The following ZC3H12B variants were observed in gnomAD, a reference collection of about 807,000 sequenced individuals.
ZC3H12B encodes the protein zinc finger CCCH-type containing 12B, also known as probable ribonuclease ZC3H12B.
In ZC3H12B, 7 loss-of-function variants were observed where a neutral mutation model predicts 43.9. The observed-to-expected ratio is 0.16, with a 90% CI of 0.09 to 0.30. The LOEUF is 0.30. Among genes scored for constraint, ZC3H12B ranks in the 10% least tolerant of loss-of-function variants. The pLI is 1.00. For synonymous variants in ZC3H12B, 222 were observed against 241.7 expected (o/e 0.92, Z 0.76); for missense variants, 475 against 670.2 (o/e 0.71, Z 3.22).
the ZC3H12B span, among the ~76,000 whole-genome samples, chrX:65,294,749 A>G: frequency 8.9e-6 from 1 of 111,733 alleles, no homozygotes; most frequent in Non-Finnish European, 1.9e-5. Flanking sequence ...GTCAAAAAGA[A>G]CAAAGAGGGA....
At chrX:65,256,418 A>G in the ZC3H12B span, among the ~76,000 whole-genome samples, 1 of 112,204 alleles carries the variant, frequency 8.9e-6, no homozygotes, top group African/African-American at 3.2e-5. Context: ...TTGACATTAA[A>G]CAACCTGCTC....
intron 3 of ZC3H12B, among the ~76,000 whole-genome samples, chrX:65,405,299 C>A: frequency 8.9e-6 from 1 of 112,346 alleles, no homozygotes; most frequent in East Asian, 2.8e-4. Context: ...AAAGCAAAAG[C>A]AAACCAAACC....
chrX:65,498,542 G>A (rs757760580), intron 2 of ZC3H12B, among the ~76,000 whole-genome samples: 1 of 112,032 alleles, frequency 8.9e-6, no homozygotes, highest in South Asian at 3.7e-4. Flanking sequence ...ATATCTTGAT[G>A]TTTCACCCTA....
the ZC3H12B span, among the ~76,000 whole-genome samples, chrX:65,289,256 TGG>T: frequency 9.0e-6 from 1 of 110,639 alleles, no homozygotes; most frequent in East Asian, 2.8e-4. Context: ...AAAATTCACA[TGG>T]AACACAAACA....
chrX:65,489,901 A>G (rs1194251596), intron 1 of ZC3H12B, among the ~76,000 whole-genome samples: 1 of 111,517 alleles, frequency 9.0e-6, no homozygotes, highest in Non-Finnish European at 1.9e-5. Context: ...CTATCTCTTT[A>G]ACAGTCTCCA....
intron 3 of ZC3H12B, among the ~76,000 whole-genome samples, chrX:65,449,484 T>A (rs1053402236): frequency 3.6e-5 from 4 of 110,099 alleles, no homozygotes; most frequent in Non-Finnish European, 7.6e-5. Flanking sequence ...CCAGGCATGA[T>A]AGCACATGCC....
chrX:65,264,516 G>A, the ZC3H12B span, among the ~76,000 whole-genome samples: 1 of 111,415 alleles, frequency 9.0e-6, no homozygotes, highest in Admixed American at 9.5e-5. Flanking sequence ...CATACCAAGA[G>A]GGAAGTGGCA....
chrX:65,393,541 C>A (rs868192992), intron 2 of ZC3H12B, among the ~76,000 whole-genome samples: 1 of 111,616 alleles, frequency 9.0e-6, no homozygotes, highest in Non-Finnish European at 1.9e-5. Flanking sequence ...TGAGTGAGAA[C>A]GTGCAGTGTT....
chrX:65,399,868 G>T lies in ZC3H12B; in HGVS notation n.407+1164G>T, dbSNP rs188722695. Among the ~76,000 whole-genome samples, 151 of 112,038 alleles carry T rather than the reference G, an allele frequency of 1.3e-3. 1 individual carries two copies. Among genetic ancestry groups the T allele is most frequent in the Middle Eastern group, 4.6e-3 (1 of 217 alleles). On this transcript the variant is annotated intron_variant and non_coding_transcript_variant, in intron 3 of 5. Transcript: ENST00000617377. ...AGTCATAAAAGTAGAATGAGATTCT[G>T]TCATTTGCAACAACATGGATGGAAC... is the stretch of plus-strand genomic sequence containing the variant.
At chrX:65,335,437 A>G in the ZC3H12B span, among the ~76,000 whole-genome samples, 1 of 112,120 alleles carries the variant, frequency 8.9e-6, no homozygotes, top group African/African-American at 3.2e-5. Context: ...TCTCAAGTGA[A>G]ACCAATAAGC....
At chrX:65,412,012 G>A (rs2066909550) in intron 3 of ZC3H12B, among the ~76,000 whole-genome samples, 2 of 110,783 alleles carry the variant, frequency 1.8e-5, no homozygotes, top group African/African-American at 6.5e-5. Context: ...ATAATATAAA[G>A]TAACCATTTT....
chrX:65,042,247 C>G, the ZC3H12B span, among the ~76,000 whole-genome samples: 1 of 112,084 alleles, frequency 8.9e-6, no homozygotes, highest in Admixed American at 9.4e-5. Context: ...GTCTCCCACT[C>G]CCTTTTCCAT....
At chrX:65,106,182 G>C in the ZC3H12B span, among the ~76,000 whole-genome samples, 3 of 111,386 alleles carry the variant, frequency 2.7e-5, no homozygotes, top group African/African-American at 9.8e-5. Context: ...TGAACTGTAA[G>C]GTAATATAGA....
chrX:65,379,715 T>A (rs1288110243), intron 2 of ZC3H12B, among the ~76,000 whole-genome samples: 3 of 111,136 alleles, frequency 2.7e-5, no homozygotes, highest in Non-Finnish European at 5.7e-5. Flanking sequence ...TTGAAAAAAA[T>A]TTAGACGAAT....
At chrX:65,390,021 G>T (rs1356359111) in intron 2 of ZC3H12B, among the ~76,000 whole-genome samples, 2 of 112,226 alleles carry the variant, frequency 1.8e-5, no homozygotes, top group African/African-American at 6.5e-5. Context: ...GTCCATTAAT[G>T]ATAGACTGGG....
chrX:65,423,133 T>C (rs1425918542), intron 3 of ZC3H12B, among the ~76,000 whole-genome samples: 1 of 108,998 alleles, frequency 9.2e-6, no homozygotes, highest in Non-Finnish European at 1.9e-5. Context: ...GGGTTTCACC[T>C]TGTTAACCAG....
At chrX:65,415,610 G>A (rs2066950921) in intron 3 of ZC3H12B, among the ~76,000 whole-genome samples, 1 of 111,707 alleles carries the variant, frequency 9.0e-6, no homozygotes, top group Admixed American at 9.5e-5. Context: ...GTATAATGAG[G>A]CATGTCTGAC....
chrX:65,125,274 C>G, the ZC3H12B span, among the ~76,000 whole-genome samples: 1 of 111,450 alleles, frequency 9.0e-6, no homozygotes, highest in Non-Finnish European at 1.9e-5. Flanking sequence ...TATTTAATTT[C>G]CATGTATTTG....
At chrX:65,268,895 G>T in the ZC3H12B span, among the ~76,000 whole-genome samples, 2 of 111,457 alleles carry the variant, frequency 1.8e-5, no homozygotes, top group Non-Finnish European at 3.8e-5. Context: ...AATCAGACAA[G>T]AAAATGCAAA....
Sources: gnomAD v4.1 joint callset for allele counts (sites outside exome capture counted in the v4.1 genomes callset) on GRCh38, gnomAD v4.1.1 for gene constraint, MANE v1.5 for transcripts, NCBI Gene and HGNC (gene_info 2026-07-23, HGNC 2026-07-21) for gene names.